LMO1: variants seen among roughly 807,000 people sequenced by gnomAD.
The protein encoded by LMO1 is rhombotin-1.
LMO1 carries 10 observed loss-of-function variants against 18.0 expected under a neutral mutation model. The ratio of observed to expected loss-of-function variants is 0.55; its 90% CI spans 0.34 to 0.94. The LOEUF (loss-of-function observed/expected upper bound fraction) is 0.94. Among genes scored for constraint, LMO1 ranks in the 40% least tolerant of loss-of-function variants. The pLI is 0.02. For synonymous variants in LMO1, 77 were observed against 77.9 expected, an observed-to-expected ratio of 0.99 and a Z score of 0.06; for missense variants, 183 against 205.7, an observed-to-expected ratio of 0.89 and a Z score of 0.68.
chr11:8,262,279 G>A (rs1054125344), intron 1 of LMO1, among the ~76,000 whole-genome samples: 2 of 152,200 alleles, frequency 1.3e-5, no homozygotes, highest in Admixed American at 6.5e-5. Flanking sequence ...CAGAACGCCG[G>A]CGGCAGCGTG....
At chr11:8,235,903 A>T (rs1431625423) in intron 1 of LMO1, among the ~76,000 whole-genome samples, 2 of 152,234 alleles carry the variant, frequency 1.3e-5, no homozygotes, top group African/African-American at 4.8e-5. Context: ...CACTCTCCTC[A>T]ACACATGAGA....
intron 1 of LMO1, among the ~76,000 whole-genome samples, chr11:8,261,565 G>A (rs542944943): frequency 1.3e-5 from 2 of 152,184 alleles, no homozygotes; most frequent in African/African-American, 4.8e-5. Context: ...CCTGGCTTGG[G>A]CCTGGGGAGC....
Position 8,230,434 on chromosome 11 carries a change from C to A in LMO1, c.96G>T (p.Lys32Asn), listed in dbSNP as rs1056998714. 6.2e-7 allele frequency: 1 copy of A among 1,614,080 alleles called. No individual in the cohort carries two copies. Among genetic ancestry groups the A allele is most frequent in the Admixed American group, 1.7e-5 (1 of 60,030 alleles). Reference protein sequence around the residue: ...KGCAGCNRKIKDRYLLKALDK... With the variant: ...KGCAGCNRKINDRYLLKALDK... ...CCAATGCCTTCAGCAGATAGCGGTC[C>A]TTGATCTTGCGGTTACAGCCCGCAC... The change falls in exon 2 of 4, where the codon AAG becomes AAT. Residue 32 changes from lysine to asparagine, a missense_variant. Lys to Asn is a moderately conservative substitution (Grantham distance 94). Coordinates refer to ENST00000335790, the MANE Select transcript of LMO1 (RefSeq NM_002315.3).
At chr11:8,257,678 T>C (rs1010069508) in intron 1 of LMO1, among the ~76,000 whole-genome samples, 5 of 152,206 alleles carry the variant, frequency 3.3e-5, no homozygotes, top group Non-Finnish European at 1.5e-5. Flanking sequence ...CCCCTATAAA[T>C]GGAGGAACTT....
chr11:8,250,823 T>A (rs969565693), intron 1 of LMO1, among the ~76,000 whole-genome samples: 1 of 152,202 alleles, frequency 6.6e-6, no homozygotes, highest in African/African-American at 2.4e-5. Context: ...TCTCAGTGCC[T>A]TAGTTTCCCC....
chr11:8,240,044 AC>A (rs557247381), intron 1 of LMO1, among the ~76,000 whole-genome samples: 155 of 152,208 alleles, frequency 1.0e-3, no homozygotes, highest in African/African-American at 3.4e-3. Flanking sequence ...AGGCATCCAC[AC>A]CCTGCCTGCT....
Position 8,263,457 on chromosome 11 carries a change from C to G in LMO1, c.-95G>C. The G allele has an allele frequency of 2.6e-6, 4 of 1,552,208 alleles. No individual in the cohort carries two copies. Among genetic ancestry groups the G allele is most frequent in the Non-Finnish European group, 3.5e-6 (4 of 1,157,440 alleles). ...GGAGGGGCGGCCGGTCTTCGGGCAG[C>G]TAGCGGGCTCTAATTACCCGCTTGT... On this transcript the variant is annotated 5_prime_UTR_variant, in exon 1 of 4. Coordinates refer to ENST00000335790, the MANE Select transcript of LMO1 (RefSeq NM_002315.3).
At chr11:8,247,868 G>A (rs1436776087) in intron 1 of LMO1, among the ~76,000 whole-genome samples, 1 of 152,200 alleles carries the variant, frequency 6.6e-6, no homozygotes, top group African/African-American at 2.4e-5. Flanking sequence ...TCAAGGTAAG[G>A]GGTGGCAGGA....
At chr11:8,237,878 G>T (rs1187257722) in intron 1 of LMO1, among the ~76,000 whole-genome samples, 1 of 152,238 alleles carries the variant, frequency 6.6e-6, no homozygotes, top group Non-Finnish European at 1.5e-5. Context: ...TCTGGCTTTG[G>T]TGCTTCCCAG....
intron 1 of LMO1, among the ~76,000 whole-genome samples, chr11:8,254,117 G>C (rs969872764): frequency 2.6e-5 from 4 of 152,190 alleles, no homozygotes; most frequent in Non-Finnish European, 5.9e-5. Context: ...GGAAAAAAAA[G>C]TGGAAGGACT....
intron 1 of LMO1, among the ~76,000 whole-genome samples, chr11:8,246,367 A>T (rs912321223): frequency 6.6e-6 from 1 of 152,248 alleles, no homozygotes; most frequent in Non-Finnish European, 1.5e-5. Context: ...CCACAAAAAG[A>T]AATGAAGTAC....
At chr11:8,228,692 G>A (rs1170617290) in intron 2 of LMO1, among the ~76,000 whole-genome samples, 1 of 151,826 alleles carries the variant, frequency 6.6e-6, no homozygotes. Flanking sequence ...CCTAGTAGCT[G>A]GCAGGGCCCT....
At chr11:8,234,256 C>G (rs1282110147) in intron 1 of LMO1, among the ~76,000 whole-genome samples, 1 of 152,146 alleles carries the variant, frequency 6.6e-6, no homozygotes, top group Non-Finnish European at 1.5e-5. Flanking sequence ...GCCAGACACT[C>G]ACCCTCCACT....
chr11:8,253,583 G>C (rs1212030705), intron 1 of LMO1, among the ~76,000 whole-genome samples: 1 of 152,110 alleles, frequency 6.6e-6, no homozygotes, highest in East Asian at 1.9e-4. Flanking sequence ...GGCACCCGCA[G>C]GTAGCCCCAC....
At chr11:8,255,881 A>G (rs533746075) in intron 1 of LMO1, among the ~76,000 whole-genome samples, 197 of 119,566 alleles carry the variant, frequency 1.6e-3, no homozygotes, top group African/African-American at 6.0e-3. Context: ...GCTGGAGTGC[A>G]GTGGCGGGAT....
At position 8,263,309 on chromosome 11, in the gene LMO1, G is replaced by C. The variant is rs372941788; in HGVS notation, c.25+29C>G. 3.3e-4 allele frequency: 529 copies of C among 1,593,514 alleles called. 5 individuals are homozygous for C. In the East Asian group the frequency reaches 0.01, roughly 31 times the overall value. On this transcript the variant is annotated intron_variant, in intron 1 of 3. Transcript: ENST00000335790. ...CCGCGGCAGGGGGCGAGGGGGTGAG[G>C]GGCGTCGAGACCCCGGCCCGCCACC...
At chr11:8,244,442 C>T (rs756142008) in intron 1 of LMO1, among the ~76,000 whole-genome samples, 13 of 152,246 alleles carry the variant, frequency 8.5e-5, no homozygotes, top group Non-Finnish European at 1.6e-4. Context: ...GAGCGGAACC[C>T]GCATGGCGGG....
At chr11:8,231,280 G>C (rs1952653079) in intron 1 of LMO1, among the ~76,000 whole-genome samples, 1 of 152,180 alleles carries the variant, frequency 6.6e-6, no homozygotes, top group Non-Finnish European at 1.5e-5. Context: ...ATACACACAG[G>C]CACCAAGTAC....
rs61879677 is a variant in LMO1, at chr11:8,229,485, G to C, written c.239+806C>G. On this transcript the variant is annotated intron_variant, in intron 2 of 3. Coordinates refer to ENST00000335790, the MANE Select transcript of LMO1 (RefSeq NM_002315.3). The stretch of plus-strand genomic sequence containing the variant: ...GCCCGGCAACCATCCAGCAGCCTGC[G>C]ACAGAGCCAAATGCAGGTGCTGGGT... Among the ~76,000 whole-genome samples, 444 of 152,326 alleles carry C rather than the reference G, an allele frequency of 2.9e-3. 1 individual carries two copies. The highest frequency in any genetic ancestry group is 5.0e-3 in the Non-Finnish European group (341 of 68,030).
Sources: gnomAD v4.1 joint callset for allele counts (sites outside exome capture counted in the v4.1 genomes callset) on GRCh38, gnomAD v4.1.1 for gene constraint, MANE v1.5 for transcripts, NCBI Gene and HGNC (gene_info 2026-07-23, HGNC 2026-07-21) for gene names.